Variants in FARS2 observed in about 807,000 individuals in gnomAD.
FARS2 encodes the protein phenylalanyl-tRNA synthetase 2, mitochondrial.
A neutral mutation model predicts 46.4 loss-of-function variants in FARS2; 40 were observed. The ratio of observed to expected loss-of-function variants is 0.86; its 90% CI spans 0.67 to 1.12. The LOEUF (loss-of-function observed/expected upper bound fraction) is 1.12. Ranked by LOEUF, FARS2 falls within the 50% of genes most tolerant of loss-of-function variation. The pLI, the probability that FARS2 is intolerant of heterozygous loss-of-function variation, is 0.00. For missense variants in FARS2, 513 were observed against 567.9 expected (o/e 0.90, Z 0.98); for synonymous variants, 234 against 214.9 (o/e 1.09, Z -0.78).
chr6:5,539,053 C>T (rs538630538), intron 4 of FARS2, among the ~76,000 whole-genome samples: 1 of 152,138 alleles, frequency 6.6e-6, no homozygotes, highest in East Asian at 1.9e-4. Flanking sequence ...CAGGTAGAGC[C>T]AGTCTCCTCT....
At chr6:5,370,179 A>G (rs1187725950) in intron 2 of FARS2, among the ~76,000 whole-genome samples, 1 of 152,188 alleles carries the variant, frequency 6.6e-6, no homozygotes, top group African/African-American at 2.4e-5. Flanking sequence ...CCAATAGGTA[A>G]CCATTGTTCT....
intron 6 of FARS2, among the ~76,000 whole-genome samples, chr6:5,671,305 A>G (rs538402210): frequency 6.6e-6 from 1 of 152,158 alleles, no homozygotes; most frequent in Non-Finnish European, 1.5e-5. Flanking sequence ...AGTTACTCCC[A>G]CTCTGTCTCT....
At chr6:5,694,814 C>G (rs1378589924) in intron 6 of FARS2, 1 of 131,980 alleles carries the variant, frequency 7.6e-6, no homozygotes, top group Non-Finnish European at 1.6e-5. Context: ...ATCAGCCTGG[C>G]AACATAGTGA....
intron 4 of FARS2, among the ~76,000 whole-genome samples, chr6:5,490,457 C>G (rs1767036372): frequency 6.6e-6 from 1 of 152,168 alleles, no homozygotes; most frequent in South Asian, 2.1e-4. Context: ...ATTTACTTTT[C>G]TAAAATATTG....
chr6:5,463,363 A>G (rs1765349571), intron 4 of FARS2, among the ~76,000 whole-genome samples: 1 of 152,100 alleles, frequency 6.6e-6, no homozygotes, highest in Non-Finnish European at 1.5e-5. Context: ...GCTTTCAGGA[A>G]CCTTTCCTTT....
chr6:5,562,440 C>G (rs1208417764), intron 5 of FARS2, among the ~76,000 whole-genome samples: 1 of 152,022 alleles, frequency 6.6e-6, no homozygotes, highest in East Asian at 1.9e-4. Context: ...GTAGGTGATT[C>G]AAAGCATGAA....
intron 6 of FARS2, among the ~76,000 whole-genome samples, chr6:5,616,033 A>AC (rs1775460217): frequency 6.7e-6 from 1 of 150,236 alleles, no homozygotes; most frequent in East Asian, 2.0e-4. Context: ...AAAAAAAAAA[A>AC]AACAACGAAA....
At chr6:5,312,605 G>A (rs985119520) in intron 1 of FARS2, among the ~76,000 whole-genome samples, 1 of 152,194 alleles carries the variant, frequency 6.6e-6, no homozygotes, top group African/African-American at 2.4e-5. Flanking sequence ...TTCCCAGTGT[G>A]TGTTAGAAAG....
intron 5 of FARS2, among the ~76,000 whole-genome samples, chr6:5,547,458 ACCTTCTGGCT>A (rs1165181825): frequency 1.3e-5 from 2 of 151,628 alleles, no homozygotes; most frequent in Non-Finnish European, 2.9e-5. Context: ...TATGCTTTCT[ACCTTCTGGCT>A]GCTAAGGTGA....
chr6:5,320,490 T>G (rs975538245), intron 1 of FARS2, among the ~76,000 whole-genome samples: 4 of 152,226 alleles, frequency 2.6e-5, no homozygotes, highest in Admixed American at 2.0e-4. Context: ...AGCACCTGCT[T>G]CTTTCTTTCC....
chr6:5,744,741 C>T (rs1325444405), intron 6 of FARS2, among the ~76,000 whole-genome samples: 1 of 152,244 alleles, frequency 6.6e-6, no homozygotes, highest in African/African-American at 2.4e-5. Context: ...CCTCAAAGCT[C>T]AGGGCAGTCC....
intron 1 of FARS2, among the ~76,000 whole-genome samples, chr6:5,350,882 A>G (rs1757533738): frequency 6.6e-6 from 1 of 152,314 alleles, no homozygotes; most frequent in East Asian, 1.9e-4. Flanking sequence ...AATCCCCTTC[A>G]AAGCTAATTC....
chr6:5,497,842 A>C (rs1219067189), intron 4 of FARS2, among the ~76,000 whole-genome samples: 1 of 152,252 alleles, frequency 6.6e-6, no homozygotes, highest in Non-Finnish European at 1.5e-5. Flanking sequence ...GTAATTCATT[A>C]ACCTTTCATT....
intron 1 of FARS2, among the ~76,000 whole-genome samples, chr6:5,367,066 A>G (rs1758729069): frequency 6.6e-6 from 1 of 152,234 alleles, no homozygotes; most frequent in African/African-American, 2.4e-5. Context: ...GTCTCAGACA[A>G]AGGTGCTGTG....
At chr6:5,569,054 C>T (rs1035624460) in intron 5 of FARS2, among the ~76,000 whole-genome samples, 9 of 151,624 alleles carry the variant, frequency 5.9e-5, no homozygotes, top group African/African-American at 1.7e-4. Context: ...TTGCATGTCT[C>T]GGTGCAAACT....
At chr6:5,696,270 T>C (rs963560014) in intron 6 of FARS2, among the ~76,000 whole-genome samples, 9 of 152,272 alleles carry the variant, frequency 5.9e-5, no homozygotes, top group Non-Finnish European at 1.3e-4. Context: ...AATAGAAGAC[T>C]GATTAAATAA....
At chr6:5,561,787 G>A (rs1158743981) in intron 5 of FARS2, among the ~76,000 whole-genome samples, 2 of 151,936 alleles carry the variant, frequency 1.3e-5, no homozygotes, top group Admixed American at 1.3e-4. Context: ...GTTTCCTGTT[G>A]TATATTGGAG....
intron 6 of FARS2, among the ~76,000 whole-genome samples, chr6:5,731,382 G>A (rs1245512746): frequency 6.6e-6 from 1 of 151,894 alleles, no homozygotes; most frequent in Non-Finnish European, 1.5e-5. Flanking sequence ...TCCTCTGTGA[G>A]GCTGTCTCCT....
chr6:5,370,321 C>T (rs1319515808), intron 2 of FARS2, among the ~76,000 whole-genome samples: 1 of 151,752 alleles, frequency 6.6e-6, no homozygotes, highest in Non-Finnish European at 1.5e-5. Context: ...AATAGCTTAG[C>T]CTTACACAAA....
Sources: gnomAD v4.1 joint callset for allele counts (sites outside exome capture counted in the v4.1 genomes callset) on GRCh38, gnomAD v4.1.1 for gene constraint, MANE v1.5 for transcripts, NCBI Gene and HGNC (gene_info 2026-07-23, HGNC 2026-07-21) for gene names.